Variants in ZNF385D observed in about 807,000 individuals in gnomAD.
ZNF385D encodes zinc finger protein 385D.
Under a neutral mutation model 35.8 loss-of-function variants are expected in ZNF385D, and 15 were observed. The observed-to-expected ratio is 0.42, with a 90% CI of 0.28 to 0.64. The LOEUF is 0.64. Ranked by LOEUF, ZNF385D falls within the 30% of genes least tolerant of loss-of-function variation. The pLI, the probability that ZNF385D is intolerant of heterozygous loss-of-function variation, is 0.23. For synonymous variants in ZNF385D, 212 were observed against 186.8 expected (o/e 1.13, Z -1.10); for missense variants, 474 against 494.6 (o/e 0.96, Z 0.39).
intron 2 of ZNF385D, among the ~76,000 whole-genome samples, chr3:22,190,576 G>A (rs1184640845): frequency 1.3e-5 from 2 of 152,142 alleles, no homozygotes; most frequent in African/African-American, 4.8e-5. Context: ...TGAAGGACAA[G>A]GTTATATAAA....
chr3:21,970,621 G>A (rs1443460297), intron 3 of ZNF385D, among the ~76,000 whole-genome samples: 17 of 151,972 alleles, frequency 1.1e-4, no homozygotes, highest in Admixed American at 1.1e-3. Flanking sequence ...GAGAGAGAGA[G>A]AGAGAAATTG....
At chr3:21,657,818 A>G (rs1350888319) in intron 2 of ZNF385D, among the ~76,000 whole-genome samples, 2 of 151,986 alleles carry the variant, frequency 1.3e-5, no homozygotes, top group Admixed American at 1.3e-4. Context: ...CTCTTTGAAC[A>G]AAACAAATGG....
intron 4 of ZNF385D, chr3:21,441,654 A>G: frequency 1.0e-6 from 1 of 983,004 alleles, no homozygotes; most frequent in Non-Finnish European, 1.2e-6. Flanking sequence ...AGAAGGAGGA[A>G]AGAAAAGGAA....
chr3:21,984,500 G>T (rs1419084329), intron 3 of ZNF385D, among the ~76,000 whole-genome samples: 1 of 131,838 alleles, frequency 7.6e-6, no homozygotes, highest in Non-Finnish European at 1.6e-5. Flanking sequence ...ATTTCTGAGG[G>T]CTCTGTTCTG....
chr3:21,867,875 G>A (rs1366397101), intron 3 of ZNF385D, among the ~76,000 whole-genome samples: 1 of 152,064 alleles, frequency 6.6e-6, no homozygotes, highest in African/African-American at 2.4e-5. Flanking sequence ...CACTTAAAAT[G>A]TGGCTGGTGC....
intron 3 of ZNF385D, among the ~76,000 whole-genome samples, chr3:22,003,486 G>C (rs189217238): frequency 2.6e-5 from 4 of 152,238 alleles, no homozygotes; most frequent in African/African-American, 4.8e-5. Context: ...TTATTTTTAA[G>C]AAAGACCATA....
intron 2 of ZNF385D, among the ~76,000 whole-genome samples, chr3:21,617,678 C>T (rs1160661030): frequency 6.6e-6 from 1 of 152,128 alleles, no homozygotes; most frequent in Non-Finnish European, 1.5e-5. Context: ...TGCTCTTGGC[C>T]ACTCCATTAT....
intron 3 of ZNF385D, among the ~76,000 whole-genome samples, chr3:22,020,087 T>G (rs1311535692): frequency 6.6e-6 from 1 of 151,852 alleles, no homozygotes; most frequent in East Asian, 1.9e-4. Flanking sequence ...AAAACAAATA[T>G]TTTGGTTAAA....
chr3:21,572,465 A>G (rs2063363562), intron 2 of ZNF385D, among the ~76,000 whole-genome samples: 1 of 152,226 alleles, frequency 6.6e-6, no homozygotes, highest in Non-Finnish European at 1.5e-5. Context: ...ACCTCCAAGT[A>G]TGTACCTTGA....
chr3:21,884,472 G>C (rs1291911304), intron 3 of ZNF385D, among the ~76,000 whole-genome samples: 3 of 151,998 alleles, frequency 2.0e-5, no homozygotes, highest in Non-Finnish European at 4.4e-5. Flanking sequence ...ACCTTGGCTA[G>C]TGGTATGTTA....
At chr3:22,214,310 G>A (rs1697715747) in intron 2 of ZNF385D, among the ~76,000 whole-genome samples, 1 of 151,962 alleles carries the variant, frequency 6.6e-6, no homozygotes, top group South Asian at 2.1e-4. Context: ...GTAAGCTGAG[G>A]AGGATGTATG....
At chr3:22,326,965 G>T (rs944289788) in intron 2 of ZNF385D, among the ~76,000 whole-genome samples, 2 of 152,158 alleles carry the variant, frequency 1.3e-5, no homozygotes, top group South Asian at 4.1e-4. Context: ...TGGAACATTT[G>T]CAAGTTCCAA....
intron 2 of ZNF385D, among the ~76,000 whole-genome samples, chr3:22,316,547 C>T (rs1703899535): frequency 6.6e-6 from 1 of 152,064 alleles, no homozygotes; most frequent in South Asian, 2.1e-4. Flanking sequence ...AATACAGGAG[C>T]TATAAGCTTA....
chr3:22,041,196 T>C (rs1363975294), intron 3 of ZNF385D, among the ~76,000 whole-genome samples: 2 of 152,094 alleles, frequency 1.3e-5, no homozygotes, highest in South Asian at 2.1e-4. Context: ...TCAAGTCTAG[T>C]TGAAGAGAAA....
chr3:21,568,743 C>T (rs2063232185), intron 2 of ZNF385D, among the ~76,000 whole-genome samples: 1 of 151,874 alleles, frequency 6.6e-6, no homozygotes, highest in Admixed American at 6.6e-5. Context: ...TTTTAATTTA[C>T]CATCATTGTT....
intron 3 of ZNF385D, among the ~76,000 whole-genome samples, chr3:22,020,798 C>A (rs1225718275): frequency 6.6e-6 from 1 of 151,862 alleles, no homozygotes; most frequent in African/African-American, 2.4e-5. Context: ...GGAAAATAAT[C>A]ATTATATCAA....
At chr3:21,434,693 T>C (rs1231165491) in intron 5 of ZNF385D, among the ~76,000 whole-genome samples, 1 of 152,174 alleles carries the variant, frequency 6.6e-6, no homozygotes, top group Non-Finnish European at 1.5e-5. Flanking sequence ...CTTCCCTTGC[T>C]ACCTTTAGTC....
intron 3 of ZNF385D, among the ~76,000 whole-genome samples, chr3:21,880,778 G>C (rs975516504): frequency 6.6e-6 from 1 of 151,930 alleles, no homozygotes; most frequent in African/African-American, 2.4e-5. Flanking sequence ...GCAATGTTGT[G>C]AACGCAAAGG....
chr3:22,270,251 C>A (rs931778739), intron 2 of ZNF385D, among the ~76,000 whole-genome samples: 9 of 151,986 alleles, frequency 5.9e-5, no homozygotes, highest in African/African-American at 1.9e-4. Flanking sequence ...TGAAAGCACC[C>A]AAAATTGCCC....
Sources: gnomAD v4.1 joint callset for allele counts (sites outside exome capture counted in the v4.1 genomes callset) on GRCh38, gnomAD v4.1.1 for gene constraint, MANE v1.5 for transcripts, NCBI Gene and HGNC (gene_info 2026-07-23, HGNC 2026-07-21) for gene names.